Variants in RP1 observed in about 807,000 individuals in gnomAD.
RP1 encodes RP1 axonemal microtubule associated, also known as oxygen-regulated protein 1.
A neutral mutation model predicts 14.8 loss-of-function variants in RP1; 16 were observed. The observed-to-expected ratio is 1.08, with a 90% CI of 0.73 to 1.65. RP1 has a LOEUF of 1.65. Among genes scored for constraint, RP1 ranks in the 40% most tolerant of loss-of-function variants. The probability of loss-of-function intolerance (pLI) is 0.00; values close to 1 mark genes in which losing one functional copy is unlikely to be tolerated. For missense variants in RP1, 2,631 were observed against 2,535.0 expected (o/e 1.04, Z -0.81); for synonymous variants, 876 against 883.6 (o/e 0.99, Z 0.15).
At chr8:54,656,101 A>C (rs1324337070) in exon 6 of RP1, 1 of 1,531,828 alleles carries the variant, frequency 6.5e-7, no homozygotes. Flanking sequence ...GCATAATATG[A>C]ATTCTGGAAA....
In RP1 at chr8:54,620,988, G is replaced by T; in HGVS notation, c.22G>T (p.Gly8Cys). 1 of 1,614,056 alleles carries T rather than the reference G, an allele frequency of 6.2e-7. No individual in the cohort carries two copies. Among genetic ancestry groups the T allele is most frequent in the Non-Finnish European group, 8.5e-7 (1 of 1,180,020 alleles). The change falls in exon 2 of 4, where the codon GGT becomes TGT. Residue 8 changes from glycine (G) to cysteine (C), a missense_variant. Transcript: ENST00000220676. MSDTPST[G>C]FSIIHPTSSE... is the part of the protein sequence containing the mutation. ...CAAAATGAGTGATACCCCTTCTACT[G>T]GTTTTTCCATCATTCATCCTACGTC...
chr8:54,597,033 A>T (rs914507387), intron 1 of RP1, among the ~76,000 whole-genome samples: 5 of 152,114 alleles, frequency 3.3e-5, no homozygotes, highest in Non-Finnish European at 7.4e-5. Flanking sequence ...TTCAGTTCTG[A>T]TTATGTCATT....
chr8:54,859,441 C>T (rs1812289278), intron 27 of RP1, among the ~76,000 whole-genome samples: 1 of 150,516 alleles, frequency 6.6e-6, no homozygotes, highest in South Asian at 2.1e-4. Flanking sequence ...TACAGGGTTT[C>T]ACTGTAGGGT....
intron 25 of RP1, among the ~76,000 whole-genome samples, chr8:54,841,853 G>T (rs545893936): frequency 6.6e-6 from 1 of 152,300 alleles, no homozygotes; most frequent in African/African-American, 2.4e-5. Context: ...ATAAAAGAAG[G>T]TGAGGTTCGA....
rs1432366420 is a variant in RP1, at chr8:54,869,877, C to T, written c.4186C>T (p.Gln1396Ter). 1 of 1,231,814 alleles carries T rather than the reference C, an allele frequency of 8.1e-7. No homozygotes were observed. The highest frequency in any genetic ancestry group is 1.0e-6 in the Non-Finnish European group (1 of 987,856). 76.3% of individuals were successfully genotyped at this position (1,231,814 alleles called of 1,614,324 possible). ...TGAGTACCAAGATGATGGCAAGACC[C>T]AGCGGGAATTGCTCGCAGAAAGTAG... The change falls in exon 29 of 29, where the codon CAG (glutamine) becomes TAG (stop). Residue 1396 changes from glutamine (Q) to a stop codon, truncating the protein, a stop_gained. Coordinates refer to the RP1 transcript ENST00000637698. LOFTEE classifies it low-confidence loss of function (END_TRUNC).
In RP1 at chr8:54,630,255, C is replaced by CT. The variant is rs1413004612; in HGVS notation, c.6376dup (p.Cys2126LeufsTer4). The CT allele has an allele frequency of 1.9e-6, 3 of 1,613,576 alleles. No individual in the cohort carries two copies. Among genetic ancestry groups the CT allele is most frequent in the Non-Finnish European group, 2.5e-6 (3 of 1,179,850 alleles). On this transcript the variant is annotated frameshift_variant, in exon 4 of 4. Transcript: ENST00000220676. LOFTEE classifies it low-confidence loss of function (END_TRUNC). ...TATTAGCAACAGAAATATTTTAGAA[C>CT]TTTGTATGTTTGAGGGTGAAAATCT...
At chr8:54,837,026 A>G (rs1040844377) in intron 24 of RP1, among the ~76,000 whole-genome samples, 1 of 152,180 alleles carries the variant, frequency 6.6e-6, no homozygotes, top group Non-Finnish European at 1.5e-5. Flanking sequence ...CACAGCGTGA[A>G]CCCTAGTTTA....
intron 3 of RP1, among the ~76,000 whole-genome samples, chr8:54,624,043 C>G (rs1391448327): frequency 6.6e-6 from 1 of 152,126 alleles, no homozygotes; most frequent in African/African-American, 2.4e-5. Context: ...TGTTAAAATT[C>G]TCTGAACCTC....
intron 1 of RP1, among the ~76,000 whole-genome samples, chr8:54,604,673 T>G (rs7836367): frequency 0.097 from 14,709 of 152,208 alleles, 2,010 homozygotes; most frequent in African/African-American, 0.31. Context: ...GGTCCTGGAC[T>G]TTTTTTGGTT....
chr8:54,621,471 G>T lies in RP1; in HGVS notation c.505G>T (p.Ala169Ser), dbSNP rs779797844. ...GAATGGCGACCCGAAGACGAGGCGT[G>T]CGGTTCTTCTGAGCAGGAGGGTCAC... is the stretch of plus-strand genomic sequence containing the variant. ...FRNGDPKTRR[A>S]VLLSRRVTQS... Residue 169 changes from alanine to serine, a missense_variant, in exon 2 of 4, where the codon GCG becomes TCG. By Grantham distance (99) the Ala-to-Ser change is moderately conservative. Transcript: ENST00000220676. 1.3e-5 allele frequency: 21 copies of T among 1,613,966 alleles called. No homozygotes were observed. The highest frequency in any genetic ancestry group is 1.8e-5 in the Non-Finnish European group (21 of 1,180,042).
At chr8:54,576,409 A>G (rs1804665754) in intron 1 of RP1, among the ~76,000 whole-genome samples, 1 of 152,244 alleles carries the variant, frequency 6.6e-6, no homozygotes, top group Admixed American at 6.5e-5. Context: ...TGCTGGCTTA[A>G]CAACTTCATT....
intron 1 of RP1, among the ~76,000 whole-genome samples, chr8:54,591,722 T>A (rs905724433): frequency 6.6e-6 from 1 of 152,108 alleles, no homozygotes; most frequent in African/African-American, 2.4e-5. Context: ...TGAGCTCAAA[T>A]GGGTGGTATC....
intron 1 of RP1, among the ~76,000 whole-genome samples, chr8:54,584,315 GTGAGTTTCTTAATCC>G (rs1585527035): frequency 1.3e-5 from 2 of 152,198 alleles, no homozygotes; most frequent in East Asian, 3.8e-4. Flanking sequence ...GCGGTTTTGA[GTGAGTTTCTTAATCC>G]TGAGTTCTAG....
chr8:54,717,071 A>G (rs947113970), intron 15 of RP1, among the ~76,000 whole-genome samples: 1 of 152,072 alleles, frequency 6.6e-6, no homozygotes, highest in African/African-American at 2.4e-5. Flanking sequence ...TTCTCTATGT[A>G]ATATATGGTA....
chr8:54,734,828 G>T, intron 18 of RP1: 4 of 1,140,812 alleles, frequency 3.5e-6, no homozygotes, highest in Non-Finnish European at 3.5e-6. Context: ...GTGTGTGTGT[G>T]TGTCTCCTAT....
chr8:54,716,352 A>C (rs916680637), intron 15 of RP1, among the ~76,000 whole-genome samples: 1 of 151,968 alleles, frequency 6.6e-6, no homozygotes, highest in Non-Finnish European at 1.5e-5. Flanking sequence ...ATTTTTTTAA[A>C]TTATTTATTC....
intron 12 of RP1, among the ~76,000 whole-genome samples, chr8:54,691,879 A>G (rs1807720357): frequency 6.6e-6 from 1 of 151,810 alleles, no homozygotes; most frequent in Non-Finnish European, 1.5e-5. Flanking sequence ...GGTTTGTTAC[A>G]TATGTATACA....
intron 24 of RP1, among the ~76,000 whole-genome samples, chr8:54,799,718 C>T (rs1182230393): frequency 6.6e-6 from 1 of 151,852 alleles, no homozygotes; most frequent in Non-Finnish European, 1.5e-5. Flanking sequence ...CTGAGTCTCC[C>T]TTCAAATAAT....
intron 20 of RP1, chr8:54,755,033 C>A: frequency 7.7e-7 from 1 of 1,292,138 alleles, no homozygotes; most frequent in South Asian, 2.1e-5. Flanking sequence ...AATATTTTTC[C>A]TGCTTCTAAG....
Sources: gnomAD v4.1 joint callset for allele counts (sites outside exome capture counted in the v4.1 genomes callset) on GRCh38, gnomAD v4.1.1 for gene constraint, MANE v1.5 for transcripts, NCBI Gene and HGNC (gene_info 2026-07-23, HGNC 2026-07-21) for gene names.